The following SLC2A14 variants were observed in gnomAD, a reference collection of about 807,000 sequenced individuals.
SLC2A14 encodes solute carrier family 2 member 14, also known as solute carrier family 2, facilitated glucose transporter member 14.
Under a neutral mutation model 43.0 loss-of-function variants are expected in SLC2A14, and 13 were observed. The ratio of observed to expected loss-of-function variants is 0.30; its 90% CI spans 0.20 to 0.48. The LOEUF is 0.48. Ranked by LOEUF, SLC2A14 falls within the 20% of genes least tolerant of loss-of-function variation. The pLI is 0.99. For synonymous variants in SLC2A14, 190 were observed against 233.8 expected (o/e 0.81, Z 1.71); for missense variants, 428 against 620.4 (o/e 0.69, Z 3.29).
chr12:7,871,145 C>T, intron 1 of SLC2A14: 1 of 1,313,462 alleles, frequency 7.6e-7, no homozygotes, highest in South Asian at 1.4e-5. Context: ...CTGAATGGAA[C>T]AGACCCCCAG....
At chr12:7,821,563 G>A (rs1008394321) in intron 7 of SLC2A14, among the ~76,000 whole-genome samples, 18 of 152,162 alleles carry the variant, frequency 1.2e-4, no homozygotes, top group Admixed American at 1.0e-3. Flanking sequence ...CACACCTGTA[G>A]TCCCAGCTAC....
At chr12:7,882,248 C>T (rs1020165145) in intron 1 of SLC2A14, among the ~76,000 whole-genome samples, 24 of 146,624 alleles carry the variant, frequency 1.6e-4, no homozygotes, top group Non-Finnish European at 2.7e-4. Flanking sequence ...CGATTCCAGA[C>T]GGGTTGCCTT....
intron 10 of SLC2A14, among the ~76,000 whole-genome samples, chr12:7,815,626 G>C (rs1393651625): frequency 1.3e-5 from 2 of 152,118 alleles, no homozygotes; most frequent in African/African-American, 4.8e-5. Flanking sequence ...GCCCAGGCTG[G>C]AGTGCAATGG....
At chr12:7,887,991 C>A (rs1408468170) in intron 1 of SLC2A14, among the ~76,000 whole-genome samples, 1 of 152,106 alleles carries the variant, frequency 6.6e-6, no homozygotes, top group Non-Finnish European at 1.5e-5. Context: ...TCTGTCTTTG[C>A]CTCCTTGGGT....
In SLC2A14 at chr12:7,832,737, G is replaced by T. The variant is rs1203133094; in HGVS notation, c.96C>A (p.Ile32=). The T allele has an allele frequency of 6.2e-7, 1 of 1,614,134 alleles. No individual in the cohort carries two copies. The highest frequency in any genetic ancestry group is 2.2e-5 in the East Asian group (1 of 44,884). ...SFQFGYNTGV[I]NAPETIIKEF... is the part of the protein sequence containing the mutation. ...TGGCACTCACCGTCTCAGGAGCATT[G>T]ATGACCCCAGTGTTGTAGCCAAACT... Residue 32 remains isoleucine (I), a synonymous_variant, in exon 3 of 11, where the codon ATC becomes ATA. Transcript: ENST00000431042.
At chr12:7,856,989 C>T (rs1387371464) in intron 2 of SLC2A14, among the ~76,000 whole-genome samples, 5 of 152,178 alleles carry the variant, frequency 3.3e-5, no homozygotes, top group Middle Eastern at 3.4e-3. Flanking sequence ...CGGTGGCTCA[C>T]GCCTGTAATC....
At chr12:7,835,343 C>T (rs766356172) in intron 2 of SLC2A14, among the ~76,000 whole-genome samples, 8 of 152,204 alleles carry the variant, frequency 5.3e-5, no homozygotes, top group South Asian at 2.1e-4. Flanking sequence ...GCCGAGATTG[C>T]GTCACTGCAC....
intron 2 of SLC2A14, among the ~76,000 whole-genome samples, chr12:7,863,795 C>A (rs1357808860): frequency 6.9e-6 from 1 of 145,926 alleles, no homozygotes; most frequent in African/African-American, 2.5e-5. Flanking sequence ...CTCCCTATAT[C>A]AACCATCTTC....
intron 2 of SLC2A14, chr12:7,863,236 A>G (rs1944695837): frequency 2.9e-6 from 1 of 343,728 alleles, no homozygotes; most frequent in Non-Finnish European, 5.8e-6. Flanking sequence ...TGCGACACTC[A>G]CGGCGGAAGT....
chr12:7,874,960 A>T (rs1945421591), upstream of SLC2A14, among the ~76,000 whole-genome samples: 1 of 18,300 alleles, frequency 5.5e-5, no homozygotes, highest in South Asian at 4.8e-3. Context: ...ATATTTATAT[A>T]TAAATTATAT....
At chr12:7,823,072 T>C (rs1159896086) in intron 7 of SLC2A14, among the ~76,000 whole-genome samples, 1 of 152,194 alleles carries the variant, frequency 6.6e-6, no homozygotes, top group Admixed American at 6.6e-5. Context: ...TGTTATTTAC[T>C]AGGCACTGCG....
At chr12:7,840,440 C>T (rs113739688) in intron 2 of SLC2A14, among the ~76,000 whole-genome samples, 9 of 151,936 alleles carry the variant, frequency 5.9e-5, no homozygotes, top group East Asian at 3.9e-4. Flanking sequence ...AGTGCAATGG[C>T]GTGATTTCGG....
intron 1 of SLC2A14, among the ~76,000 whole-genome samples, chr12:7,881,739 T>C (rs1055953423): frequency 2.0e-5 from 3 of 152,182 alleles, no homozygotes; most frequent in African/African-American, 7.2e-5. Flanking sequence ...GCTGGGCTCC[T>C]GAGTCTAGTT....
At chr12:7,886,466 C>T (rs1028719547) in intron 1 of SLC2A14, among the ~76,000 whole-genome samples, 3 of 151,574 alleles carry the variant, frequency 2.0e-5, no homozygotes, top group Non-Finnish European at 2.9e-5. Flanking sequence ...CTTTAGTCTC[C>T]CAAATTGCTG....
chr12:7,813,060 C>T lies in SLC2A14; in HGVS notation c.*1256G>A, dbSNP rs1329028086. 3.3e-5 allele frequency: 5 copies of T among 151,610 alleles called. No individual in the cohort carries two copies. Among genetic ancestry groups the T allele is most frequent in the South Asian group, 2.1e-4 (1 of 4,786 alleles). The allele number at this position is 151,610 out of a possible 1,614,324, so 9.4% of individuals were successfully genotyped here. On this transcript the variant is annotated 3_prime_UTR_variant, in exon 11 of 11. Coordinates refer to ENST00000431042, the MANE Select transcript of SLC2A14 (RefSeq NM_001286234.2). ...CCACAGTGACATGGTAACAGACATA[C>T]GCAAGCGTGCCGTGAGCCTAAAGCA...
At chr12:7,880,177 T>C (rs1442639235) in intron 1 of SLC2A14, among the ~76,000 whole-genome samples, 1 of 151,720 alleles carries the variant, frequency 6.6e-6, no homozygotes, top group South Asian at 2.1e-4. Flanking sequence ...GGAGCGTGCC[T>C]GTAATCCCAG....
chr12:7,883,656 G>A (rs191398652), intron 1 of SLC2A14, among the ~76,000 whole-genome samples: 1 of 116,282 alleles, frequency 8.6e-6, no homozygotes, highest in Non-Finnish European at 1.7e-5. Context: ...GTGCAGTCTC[G>A]GCTCACAGCC....
rs189061000 is a variant in SLC2A14 at position 7,846,898 on chromosome 12, C to A, written c.19-14084G>T. Among the ~76,000 whole-genome samples the A allele has an allele frequency of 1.4e-3, 202 of 148,718 alleles. 4 individuals are homozygous for A. Among genetic ancestry groups the A allele is most frequent in the African/African-American group, 4.9e-3 (199 of 40,856 alleles). On this transcript the variant is annotated intron_variant, in intron 2 of 10. Coordinates refer to ENST00000431042, the MANE Select transcript of SLC2A14 (RefSeq NM_001286234.2). ...CCACCTGCCCTGGCCTCCCGAAGTG[C>A]TGGGATTACAGGTGTGAGCCACCAC... is the stretch of plus-strand genomic sequence containing the variant.
intron 2 of SLC2A14, among the ~76,000 whole-genome samples, chr12:7,856,839 A>ATTT (rs200793187): frequency 6.8e-6 from 1 of 146,220 alleles, no homozygotes; most frequent in Non-Finnish European, 1.5e-5. Context: ...ATGAATGCTA[A>ATTT]TTTTTTTTTT....
Sources: gnomAD v4.1 joint callset for allele counts (sites outside exome capture counted in the v4.1 genomes callset) on GRCh38, gnomAD v4.1.1 for gene constraint, MANE v1.5 for transcripts, NCBI Gene and HGNC (gene_info 2026-07-23, HGNC 2026-07-21) for gene names.